COL10A1: variants seen among roughly 807,000 people sequenced by gnomAD.
The protein encoded by COL10A1 is collagen alpha-1(X) chain.
A neutral mutation model predicts 18.2 loss-of-function variants in COL10A1; 10 were observed. The observed-to-expected ratio is 0.55, with a 90% CI of 0.34 to 0.93. The LOEUF (loss-of-function observed/expected upper bound fraction) is 0.93. Ranked by LOEUF, COL10A1 falls within the 40% of genes least tolerant of loss-of-function variation. The pLI is 0.02. For missense variants in COL10A1, 897 were observed against 853.5 expected (o/e 1.05, Z -0.64); for synonymous variants, 330 against 316.6 (o/e 1.04, Z -0.45).
chr6:116,199,140 G>A, the COL10A1 span, among the ~76,000 whole-genome samples: 1 of 151,930 alleles, frequency 6.6e-6, no homozygotes, highest in Non-Finnish European at 1.5e-5. Context: ...ATCACCCTCA[G>A]TCAAAAGCCG....
At chr6:116,136,808 A>G (rs1779618179) in intron 1 of COL10A1, among the ~76,000 whole-genome samples, 1 of 152,234 alleles carries the variant, frequency 6.6e-6, no homozygotes, top group Admixed American at 6.5e-5. Context: ...TCAGAACAAG[A>G]AGCCCTCAGA....
At chr6:116,121,987 C>T in intron 2 of COL10A1, 26 bp from the exon 3 acceptor site, 2 of 1,589,826 alleles carry the variant, frequency 1.3e-6, no homozygotes, top group African/African-American at 1.3e-5. Context: ...AACACACCCA[C>T]CCATAGAAGG....
At chr6:116,158,437 A>G (rs1302009227) in intron 1 of COL10A1, among the ~76,000 whole-genome samples, 2 of 152,252 alleles carry the variant, frequency 1.3e-5, no homozygotes, top group Non-Finnish European at 1.5e-5. Flanking sequence ...TGAAGACAAG[A>G]AGATAAAAAC....
At chr6:116,153,753 A>G (rs1180173888) in intron 1 of COL10A1, among the ~76,000 whole-genome samples, 1 of 152,036 alleles carries the variant, frequency 6.6e-6, no homozygotes, top group East Asian at 1.9e-4. Flanking sequence ...AGTCATATTC[A>G]TTTTTATGTT....
chr6:116,173,397 G>A, the COL10A1 span, among the ~76,000 whole-genome samples: 9 of 152,298 alleles, frequency 5.9e-5, no homozygotes, highest in South Asian at 1.9e-3. Flanking sequence ...GGAAAACACT[G>A]ACGGTTCCTT....
chr6:116,131,529 T>G (rs1479981159), intron 1 of COL10A1, among the ~76,000 whole-genome samples: 3 of 152,202 alleles, frequency 2.0e-5, no homozygotes, highest in African/African-American at 7.2e-5. Context: ...ATATTGGAGA[T>G]CATTGCAGAA....
At chr6:116,189,433 G>A in the COL10A1 span, among the ~76,000 whole-genome samples, 1 of 151,606 alleles carries the variant, frequency 6.6e-6, no homozygotes, top group Non-Finnish European at 1.5e-5. Context: ...CTTTAGCTTG[G>A]GATACTTATT....
chr6:116,158,039 A>G (rs1457314573), intron 1 of COL10A1, among the ~76,000 whole-genome samples: 2 of 152,244 alleles, frequency 1.3e-5, no homozygotes, highest in Non-Finnish European at 2.9e-5. Flanking sequence ...CTTAAAAAGA[A>G]AAAGCATCAC....
At chr6:116,152,714 A>G (rs1393233940) in intron 1 of COL10A1, among the ~76,000 whole-genome samples, 6 of 152,088 alleles carry the variant, frequency 3.9e-5, no homozygotes, top group African/African-American at 1.4e-4. Flanking sequence ...ATCTTTTTAC[A>G]GCCATACTTC....
intron 1 of COL10A1, chr6:116,137,184 A>T (rs1310891834): frequency 1.1e-5 from 2 of 182,838 alleles, no homozygotes; most frequent in East Asian, 2.8e-4. Flanking sequence ...ACCCAAAGGG[A>T]TGTCTGCCAC....
the COL10A1 span, among the ~76,000 whole-genome samples, chr6:116,172,663 T>G: frequency 6.6e-6 from 1 of 152,200 alleles, no homozygotes; most frequent in Non-Finnish European, 1.5e-5. Context: ...TTGTTTATGT[T>G]TTCTCTGTAT....
chr6:116,132,322 A>C (rs1379927718), intron 1 of COL10A1, among the ~76,000 whole-genome samples: 1 of 152,130 alleles, frequency 6.6e-6, no homozygotes, highest in Non-Finnish European at 1.5e-5. Context: ...CATTCTTCTT[A>C]CTGAAAGCAT....
At chr6:116,203,248 G>A in the COL10A1 span, among the ~76,000 whole-genome samples, 1 of 151,592 alleles carries the variant, frequency 6.6e-6, no homozygotes, top group East Asian at 1.9e-4. Flanking sequence ...TCTATTTCTT[G>A]GATTCATTTT....
the COL10A1 span, among the ~76,000 whole-genome samples, chr6:116,178,244 C>T: frequency 6.6e-6 from 1 of 152,046 alleles, no homozygotes; most frequent in African/African-American, 2.4e-5. Flanking sequence ...CCTAGGGGAC[C>T]TCTCTCCCAT....
At chr6:116,171,187 T>C in the COL10A1 span, among the ~76,000 whole-genome samples, 6,186 of 152,300 alleles carry the variant, frequency 0.041, 191 homozygotes, top group African/African-American at 0.084. Context: ...GACCCACTTA[T>C]ATTATTGTCA....
At chr6:116,127,597 G>A (rs1779354054), upstream of COL10A1, among the ~76,000 whole-genome samples, 1 of 152,082 alleles carries the variant, frequency 6.6e-6, no homozygotes. Flanking sequence ...GAAAACACCT[G>A]CCTTTTGGCT....
the COL10A1 span, among the ~76,000 whole-genome samples, chr6:116,171,888 A>G: frequency 6.6e-6 from 1 of 152,202 alleles, no homozygotes; most frequent in Non-Finnish European, 1.5e-5. Flanking sequence ...TGTTTTCTAT[A>G]TACAGGGAAG....
At chr6:116,137,541 A>G (rs1179539548) in intron 1 of COL10A1, 1 of 213,610 alleles carries the variant, frequency 4.7e-6, no homozygotes, top group Non-Finnish European at 9.9e-6. Context: ...CTCCTCAAAC[A>G]TTACATGGGT....
chr6:116,191,673 GC>G, the COL10A1 span, among the ~76,000 whole-genome samples: 1 of 152,020 alleles, frequency 6.6e-6, no homozygotes, highest in East Asian at 1.9e-4. Flanking sequence ...AAAATCCATT[GC>G]TAAAAAGAGT....
Sources: allele counts gnomAD v4.1 joint callset (sites outside exome capture counted in the v4.1 genomes callset), GRCh38; gene constraint gnomAD v4.1.1; transcripts MANE v1.5; gene names NCBI Gene and HGNC (gene_info 2026-07-23, HGNC 2026-07-21).